The following FNTA variants were observed in gnomAD, a reference collection of about 807,000 sequenced individuals.
FNTA encodes protein farnesyltransferase/geranylgeranyltransferase type-1 subunit alpha.
A neutral mutation model predicts 55.2 loss-of-function variants in FNTA; 27 were observed. The observed-to-expected ratio is 0.49, with a 90% confidence interval of 0.36 to 0.67. The LOEUF is 0.67. Among genes scored for constraint, FNTA ranks in the 30% least tolerant of loss-of-function variants. The pLI, the probability that FNTA is intolerant of heterozygous loss-of-function variation, is 0.00. For synonymous variants in FNTA, 176 were observed against 170.7 expected, an observed-to-expected ratio of 1.03 and a Z score of -0.24; for missense variants, 422 against 464.7, an observed-to-expected ratio of 0.91 and a Z score of 0.85.
At chr8:43,077,410 A>G (rs749340297) in intron 6 of FNTA, 46 bp downstream of exon 6, 87 of 1,506,984 alleles carry the variant, frequency 5.8e-5, no homozygotes, top group Non-Finnish European at 7.8e-5. Flanking sequence ...ACATGTTTGC[A>G]TGCCTACCAT....
At chr8:43,085,048 T>C (rs186516568) in intron 8 of FNTA, 112 bp from the exon 9 acceptor site, 3 of 1,149,102 alleles carry the variant, frequency 2.6e-6, no homozygotes, top group African/African-American at 3.1e-5. Context: ...CCGGTGACTC[T>C]TAATAGTGTG....
At chr8:43,061,019 A>T (rs1810518453) in intron 2 of FNTA, among the ~76,000 whole-genome samples, 1 of 152,242 alleles carries the variant, frequency 6.6e-6, no homozygotes, top group Non-Finnish European at 1.5e-5. Context: ...ATTAAGAATG[A>T]CAGGTTAAAA....
At chr8:43,084,554 T>C (rs1811088675) in intron 7 of FNTA, 156 bp from the exon 8 acceptor site, 2 of 600,522 alleles carry the variant, frequency 3.3e-6, no homozygotes, top group South Asian at 2.1e-5. Context: ...ATAAGACTCA[T>C]GTAATTTAAA....
chr8:43,083,917 A>G (rs375688784), intron 7 of FNTA, among the ~76,000 whole-genome samples: 3 of 152,200 alleles, frequency 2.0e-5, no homozygotes, highest in South Asian at 2.1e-4. Flanking sequence ...TACTAAAAAT[A>G]TACAAATTAG....
intron 3 of FNTA, 36 bp downstream of exon 3, chr8:43,064,251 A>G (rs1465602436): frequency 7.9e-7 from 1 of 1,265,406 alleles, no homozygotes; most frequent in Admixed American, 1.8e-5. Context: ...CCCTGCTTAA[A>G]TGTTTTACTT....
At chr8:43,070,959 A>G (rs996204314) in intron 4 of FNTA, among the ~76,000 whole-genome samples, 5 of 152,234 alleles carry the variant, frequency 3.3e-5, no homozygotes, top group Non-Finnish European at 5.9e-5. Context: ...GCTAGTGTTC[A>G]CTGACTTGGA....
chr8:43,063,439 T>G (rs1810582658), intron 2 of FNTA: 3 of 390,890 alleles, frequency 7.7e-6, no homozygotes, highest in Admixed American at 6.4e-5. Context: ...GAGCTGGAAT[T>G]ACTGGGTCAA....
intron 5 of FNTA, among the ~76,000 whole-genome samples, chr8:43,074,557 AC>A (rs1273846158): frequency 4.9e-4 from 75 of 152,206 alleles, no homozygotes; most frequent in African/African-American, 1.8e-3. Context: ...AAATACACAC[AC>A]ACACACACAC....
At chr8:43,082,849 C>T in intron 6 of FNTA, 1 of 211,200 alleles carries the variant, frequency 4.7e-6, no homozygotes, top group East Asian at 1.4e-4. Context: ...AGTTCAAGAC[C>T]AGTCTGGCCA....
At chr8:43,068,560 A>G (rs1465316380) in intron 3 of FNTA, among the ~76,000 whole-genome samples, 4 of 152,212 alleles carry the variant, frequency 2.6e-5, no homozygotes, top group Non-Finnish European at 5.9e-5. Context: ...TACACGAACA[A>G]CGTGTACTGT....
chr8:43,063,674 A>T (rs1166744508), intron 2 of FNTA, among the ~76,000 whole-genome samples: 1 of 152,106 alleles, frequency 6.6e-6, no homozygotes, highest in Admixed American at 6.6e-5. Flanking sequence ...GAGGCTTGGG[A>T]ATTTAGTGGA....
chr8:43,060,265 A>T (rs975599893), intron 2 of FNTA, among the ~76,000 whole-genome samples: 28 of 152,246 alleles, frequency 1.8e-4, no homozygotes, highest in African/African-American at 6.8e-4. Context: ...GTGATCAGAG[A>T]AATATAAACC....
In FNTA at chr8:43,056,442, G is replaced by T. The variant is rs980938534; in HGVS notation, c.96G>T (p.Gln32His). ...PPPQPHPPPP[Q>H]QQHKEEMAAE... ...CCCAGCCGCACCCACCGCCGCCCCA[G>T]CAGCAGCACAAGGAAGAGATGGCGG... The change falls in exon 1 of 9, where the codon CAG becomes CAT. Residue 32 changes from glutamine (Q) to histidine (H), a missense_variant. Coordinates refer to ENST00000302279, the MANE Select transcript of FNTA (RefSeq NM_002027.3). The T allele has an allele frequency of 1.9e-6, 3 of 1,552,938 alleles. No individual in the cohort carries two copies. In the East Asian group the frequency reaches 7.5e-5, roughly 39 times the overall value.
intron 2 of FNTA, among the ~76,000 whole-genome samples, chr8:43,063,801 A>G (rs148454022): frequency 2.6e-5 from 4 of 152,350 alleles, no homozygotes; most frequent in East Asian, 1.9e-4. Flanking sequence ...ATATTTGAAT[A>G]TATGCAACCC....
intron 6 of FNTA, chr8:43,080,694 A>T (rs1383995158): frequency 2.0e-5 from 3 of 152,204 alleles, no homozygotes; most frequent in African/African-American, 7.2e-5. Context: ...ATTTCATTGC[A>T]CATGTCCTAT....
chr8:43,069,749 A>G (rs1810744781), intron 4 of FNTA, 90 bp downstream of exon 4: 3 of 740,604 alleles, frequency 4.1e-6, no homozygotes, highest in Admixed American at 2.3e-5. Context: ...GGTTCAAGTG[A>G]TTCTCCAGCT....
At chr8:43,064,450 T>C (rs1445261007) in intron 3 of FNTA, among the ~76,000 whole-genome samples, 4 of 151,870 alleles carry the variant, frequency 2.6e-5, no homozygotes, top group Non-Finnish European at 5.9e-5. Context: ...GTAGCTGGGA[T>C]TACGGGCGCC....
chr8:43,056,598 G>A, intron 1 of FNTA, 52 bp downstream of exon 1: 6 of 1,179,660 alleles, frequency 5.1e-6, no homozygotes, highest in Admixed American at 4.2e-5. Context: ...AGGCCCAGCG[G>A]CCCCAAGACC....
chr8:43,069,127 G>A (rs1342176658), intron 3 of FNTA, among the ~76,000 whole-genome samples: 2 of 150,938 alleles, frequency 1.3e-5, no homozygotes, highest in South Asian at 2.1e-4. Flanking sequence ...TTTTTTTTGG[G>A]TGGGGGTGGA....
Sources: allele counts gnomAD v4.1 joint callset (sites outside exome capture counted in the v4.1 genomes callset), GRCh38; gene constraint gnomAD v4.1.1; transcripts MANE v1.5; gene names NCBI Gene and HGNC (gene_info 2026-07-23, HGNC 2026-07-21).